CPNE3: variants seen among roughly 807,000 people sequenced by gnomAD.
The protein encoded by CPNE3 is copine-3.
Under a neutral mutation model 63.9 loss-of-function variants are expected in CPNE3, and 68 were observed. The observed-to-expected ratio is 1.06, with a 90% CI of 0.87 to 1.30. The LOEUF (loss-of-function observed/expected upper bound fraction) is 1.30, where lower values mean the gene tolerates loss of function less well. CPNE3 is among the 50% of genes most tolerant of loss of function. The probability of loss-of-function intolerance (pLI) is 0.00; values close to 1 mark genes in which losing one functional copy is unlikely to be tolerated. For synonymous variants in CPNE3, 219 were observed against 197.5 expected, an observed-to-expected ratio of 1.11 and a Z score of -0.91; for missense variants, 665 against 578.1, an observed-to-expected ratio of 1.15 and a Z score of -1.54.
intron 2 of CPNE3, among the ~76,000 whole-genome samples, chr8:86,516,581 G>C (rs191430903): frequency 6.6e-6 from 1 of 152,078 alleles, no homozygotes; most frequent in Non-Finnish European, 1.5e-5. Flanking sequence ...ATAAAGATGA[G>C]ATCTTACTAT....
chr8:86,519,587 T>C (rs561998262), intron 2 of CPNE3, among the ~76,000 whole-genome samples: 1 of 152,358 alleles, frequency 6.6e-6, no homozygotes, highest in South Asian at 2.1e-4. Context: ...TTGTGCTGCA[T>C]CTACTTAATA....
intron 8 of CPNE3, among the ~76,000 whole-genome samples, chr8:86,544,446 G>T (rs1287375953): frequency 1.3e-5 from 2 of 152,128 alleles, no homozygotes; most frequent in Non-Finnish European, 2.9e-5. Flanking sequence ...CTTATAGAAG[G>T]CATGATAGAG....
chr8:86,533,715 T>C (rs1269566635), intron 6 of CPNE3, among the ~76,000 whole-genome samples: 8 of 152,128 alleles, frequency 5.3e-5, no homozygotes, highest in African/African-American at 1.9e-4. Flanking sequence ...ATTTAATCTC[T>C]ACCCTTATCT....
At chr8:86,531,033 A>G (rs1563689531) in intron 4 of CPNE3, 122 bp from the exon 5 acceptor site, 2 of 638,956 alleles carry the variant, frequency 3.1e-6, no homozygotes, top group African/African-American at 1.8e-5. Context: ...AACCAACTGA[A>G]TGTTTCTATT....
At chr8:86,558,184 G>T in intron 16 of CPNE3, 104 bp from the exon 17 acceptor site, 1 of 791,732 alleles carries the variant, frequency 1.3e-6, no homozygotes, top group Non-Finnish European at 2.2e-6. Flanking sequence ...CTATGAATTA[G>T]AATTGCTTCA....
intron 2 of CPNE3, among the ~76,000 whole-genome samples, chr8:86,523,626 C>T (rs1820481099): frequency 6.6e-6 from 1 of 152,176 alleles, no homozygotes; most frequent in Non-Finnish European, 1.5e-5. Context: ...CACTCTGTCG[C>T]CCAGGCTGGA....
intron 12 of CPNE3, among the ~76,000 whole-genome samples, chr8:86,549,338 C>G (rs1000156025): frequency 1.3e-5 from 2 of 151,994 alleles, no homozygotes; most frequent in Non-Finnish European, 2.9e-5. Context: ...GTAGTGAGAG[C>G]TTAGAAAGGT....
In CPNE3 at chr8:86,548,522, A is replaced by G. The variant is rs111926463; in HGVS notation, c.1013+88A>G. ...GTTTCATCGGCTAGCACTCTGATAT[A>G]GGTGGTAGGTTGATGATGCTTTCTC... On this transcript the variant is annotated intron_variant, in intron 12 of 16. Coordinates refer to ENST00000517490, the MANE Select transcript of CPNE3 (RefSeq NM_003909.5). The G allele has an allele frequency of 4.7e-6, 7 of 1,503,428 alleles. No homozygotes were observed. In the African/African-American group the frequency reaches 9.7e-5, roughly 21 times the overall value. 93.1% of individuals were successfully genotyped at this position (1,503,428 alleles called of 1,614,324 possible). A position where few individuals can be genotyped will look rare whatever the true frequency, so the allele number is the denominator to read the frequency against.
At chr8:86,528,063 C>T (rs1586831503) in intron 2 of CPNE3, among the ~76,000 whole-genome samples, 1 of 146,808 alleles carries the variant, frequency 6.8e-6, no homozygotes, top group African/African-American at 2.5e-5. Context: ...ATCCTCTTGC[C>T]TCAGCCTTCC....
chr8:86,516,402 A>G (rs1820312277), intron 2 of CPNE3, among the ~76,000 whole-genome samples: 1 of 152,144 alleles, frequency 6.6e-6, no homozygotes. Context: ...TTTTCATATA[A>G]GTTTATGGCA....
At chr8:86,516,253 C>T (rs1387702280) in intron 2 of CPNE3, among the ~76,000 whole-genome samples, 1 of 152,088 alleles carries the variant, frequency 6.6e-6, no homozygotes, top group Non-Finnish European at 1.5e-5. Flanking sequence ...CAGGTCTAGT[C>T]CCTGAAGAAT....
chr8:86,558,621 G>T lies in CPNE3; in HGVS notation c.*211G>T. ...TGCCCAGTCAATTCAGTGATTGATA[G>T]CAATTTACATTAATTGCAGTAAAGC... On this transcript the variant is annotated 3_prime_UTR_variant, in exon 17 of 17. Transcript: ENST00000517490. The T allele has an allele frequency of 2.1e-6, 1 of 483,172 alleles. No individual in the cohort carries two copies. Among genetic ancestry groups the T allele is most frequent in the Non-Finnish European group, 3.7e-6 (1 of 267,598 alleles). The allele number at this position is 483,172 out of a possible 1,614,324, so 29.9% of individuals were successfully genotyped here. A position where few individuals can be genotyped will look rare whatever the true frequency, so the allele number is the denominator to read the frequency against.
intron 7 of CPNE3, among the ~76,000 whole-genome samples, chr8:86,539,773 C>T (rs1449275529): frequency 6.7e-6 from 1 of 150,206 alleles, no homozygotes; most frequent in Non-Finnish European, 1.5e-5. Context: ...AGCAGTTCTC[C>T]TGCCTCAGCC....
chr8:86,515,025 C>A (rs755526645), intron 1 of CPNE3: 2 of 152,254 alleles, frequency 1.3e-5, no homozygotes, highest in Non-Finnish European at 2.9e-5. Flanking sequence ...GAGCGGGGGG[C>A]GCGCGCTTCA....
intron 6 of CPNE3, among the ~76,000 whole-genome samples, chr8:86,537,227 T>G (rs1820820891): frequency 6.6e-6 from 1 of 152,198 alleles, no homozygotes; most frequent in Non-Finnish European, 1.5e-5. Context: ...ATAAAACTAC[T>G]CAGTGATATG....
intron 2 of CPNE3, among the ~76,000 whole-genome samples, chr8:86,519,799 C>T (rs148157999): frequency 0.018 from 2,689 of 152,228 alleles, 38 homozygotes; most frequent in Middle Eastern, 0.027. Context: ...CTGCAACCTC[C>T]GCCTCCCTGG....
At chr8:86,541,052 CT>C (rs1296778905) in intron 8 of CPNE3, among the ~76,000 whole-genome samples, 4 of 152,148 alleles carry the variant, frequency 2.6e-5, no homozygotes, top group South Asian at 2.1e-4. Context: ...AGATAGAGGT[CT>C]TTTTTATGTT....
chr8:86,544,771 C>T lies in CPNE3; in HGVS notation c.665C>T (p.Ser222Leu). 1.3e-6 allele frequency: 2 copies of T among 1,569,980 alleles called. No homozygotes were observed. The highest frequency in any genetic ancestry group is 2.7e-5 in the African/African-American group (2 of 72,862). ...TGTTATGATTATGACAATGATGGGT[C>T]ACATGATCTCATTGGAACATTTCAG... The part of the protein sequence containing the change: ...VECYDYDNDG[S>L]HDLIGTFQTT... The change falls in exon 9 of 17, where the codon TCA (serine) becomes TTA (leucine). Residue 222 changes from serine to leucine, a missense_variant. Transcript: ENST00000517490.
rs1290842439 is a variant in CPNE3, at chr8:86,551,101, G to T, written c.1068+1G>T. 1 of 1,612,924 alleles carries T rather than the reference G, an allele frequency of 6.2e-7. No individual in the cohort carries two copies. Among genetic ancestry groups the T allele is most frequent in the South Asian group, 1.1e-5 (1 of 90,808 alleles). ...CGCTCAGATACCTCCTCAGTGGCAG[G>T]TAAGAGGAAATCTCTATTTTAAAGC... On this transcript the variant is annotated splice_donor_variant, in intron 13 of 16. Transcript: ENST00000517490. LOFTEE classifies it high-confidence loss of function.
Sources: gnomAD v4.1 joint callset for allele counts (sites outside exome capture counted in the v4.1 genomes callset) on GRCh38, gnomAD v4.1.1 for gene constraint, MANE v1.5 for transcripts, NCBI Gene and HGNC (gene_info 2026-07-23, HGNC 2026-07-21) for gene names.